The following TSKS variants were observed in gnomAD, a reference collection of about 807,000 sequenced individuals.
The protein encoded by TSKS is testis specific serine kinase substrate, also known as testis-specific serine kinase substrate.
Under a neutral mutation model 68.0 loss-of-function variants are expected in TSKS, and 27 were observed. The observed-to-expected ratio is 0.40, with a 90% confidence interval of 0.29 to 0.55. The LOEUF (loss-of-function observed/expected upper bound fraction) is 0.55. TSKS is among the 20% of genes least tolerant of loss of function. The probability of loss-of-function intolerance (pLI) is 0.53; values close to 1 mark genes in which losing one functional copy is unlikely to be tolerated. For missense variants in TSKS, 806 were observed against 776.0 expected (o/e 1.04, Z -0.46); for synonymous variants, 331 against 340.4 (o/e 0.97, Z 0.30).
At chr19:49,755,677 A>C (rs994012210) in intron 2 of TSKS, among the ~76,000 whole-genome samples, 3 of 152,180 alleles carry the variant, frequency 2.0e-5, no homozygotes, top group African/African-American at 7.2e-5. Context: ...AAAAATAAAA[A>C]TGAAAATAAA....
chr19:49,746,428 G>A, intron 6 of TSKS, 42 bp downstream of exon 6: 1 of 1,606,584 alleles, frequency 6.2e-7, no homozygotes, highest in Non-Finnish European at 8.5e-7. Flanking sequence ...CTGAGTCCCC[G>A]CCGATCTCGT....
chr19:49,754,940 A>G (rs2084381572), intron 2 of TSKS, among the ~76,000 whole-genome samples: 1 of 152,132 alleles, frequency 6.6e-6, no homozygotes, highest in Non-Finnish European at 1.5e-5. Flanking sequence ...TCTACTAAAA[A>G]TACAAAAATT....
At chr19:49,745,498 T>A in intron 6 of TSKS, 102 bp from the exon 7 acceptor site, 1 of 1,019,840 alleles carries the variant, frequency 9.8e-7, no homozygotes, top group Non-Finnish European at 1.4e-6. Context: ...CTCGCCCCAC[T>A]GAGACCATGC....
chr19:49,746,181 C>CAA (rs201717038), intron 6 of TSKS, among the ~76,000 whole-genome samples: 5 of 150,904 alleles, frequency 3.3e-5, no homozygotes, highest in Admixed American at 6.6e-5. Context: ...GACTCCGCCT[C>CAA]AAAAAAAACA....
At position 49,748,381 on chromosome 19, in the gene TSKS, G is replaced by A; in HGVS notation, c.488C>T (p.Ser163Phe). The change falls in exon 3 of 11, where the codon TCT (serine) becomes TTT (phenylalanine). Residue 163 changes from serine (S) to phenylalanine (F), a missense_variant. Coordinates refer to ENST00000246801, the MANE Select transcript of TSKS (RefSeq NM_021733.2). The part of the protein sequence containing the change: ...KTNRVNQHVQ[S>F]LQSECSVLSE... Reference sequence around the variant, plus strand: ...TATAGGGGGTCCTCACACCTGCAGAGACTGCACGTGCTGGTTAACCCGGTT... The same window carrying A: ...TATAGGGGGTCCTCACACCTGCAGAAACTGCACGTGCTGGTTAACCCGGTT... 3 of 1,614,024 alleles carry A rather than the reference G, an allele frequency of 1.9e-6. No homozygotes were observed. The highest frequency in any genetic ancestry group is 2.5e-6 in the Non-Finnish European group (3 of 1,179,860).
chr19:49,740,157 T>A lies in TSKS; in HGVS notation c.1524A>T (p.Lys508Asn). ...AGCTCAGGGCCTCTGCCCTGACGTG[T>A]TTGGCTAAGGCCTGGCGCTCCAGCT... is the stretch of plus-strand genomic sequence containing the variant. Reference protein sequence around the residue: ...ILELERQALAKHVRAEALSST... With the variant: ...ILELERQALANHVRAEALSST... Residue 508 changes from lysine to asparagine, a missense_variant, in exon 10 of 11, where the codon AAA becomes AAT. Physicochemically the swap from Lys to Asn is moderately conservative, Grantham distance 94. Transcript: ENST00000246801. 6.2e-7 allele frequency: 1 copy of A among 1,613,744 alleles called. No homozygotes were observed. The highest frequency in any genetic ancestry group is 8.5e-7 in the Non-Finnish European group (1 of 1,179,946).
chr19:49,762,960 C>T, intron 1 of TSKS, 118 bp downstream of exon 1: 2 of 1,345,260 alleles, frequency 1.5e-6, no homozygotes, highest in Non-Finnish European at 2.0e-6. Context: ...CTCTTTCCTG[C>T]CCCCGACCTG....
chr19:49,752,910 T>A (rs1207554779), intron 2 of TSKS, among the ~76,000 whole-genome samples: 2 of 152,162 alleles, frequency 1.3e-5, no homozygotes, highest in Non-Finnish European at 2.9e-5. Flanking sequence ...AAGGGAAGGC[T>A]AAGGTAGAGT....
intron 6 of TSKS, among the ~76,000 whole-genome samples, chr19:49,745,751 C>A (rs2084293306): frequency 6.6e-6 from 1 of 152,162 alleles, no homozygotes; most frequent in South Asian, 2.1e-4. Context: ...CCCCGCCCAC[C>A]TCAGTTTCAC....
chr19:49,745,190 C>A lies in TSKS; in HGVS notation c.1187+12G>T. 6.4e-7 allele frequency: 1 copy of A among 1,570,238 alleles called. No individual in the cohort carries two copies. Among genetic ancestry groups the A allele is most frequent in the Non-Finnish European group, 8.7e-7 (1 of 1,153,366 alleles). On this transcript the variant is annotated intron_variant, in intron 7 of 10. Coordinates refer to ENST00000246801, the MANE Select transcript of TSKS (RefSeq NM_021733.2). ...CCTTCCGGTCTTCCCATGCACTGGC[C>A]CCAATCCTCACATGGTGCACAGCTC...
At position 49,762,014 on chromosome 19, in the gene TSKS, G is replaced by C. The variant is rs778576898; in HGVS notation, c.389C>G (p.Thr130Arg). ...LPWDPDDADI[T>R]EILSGVNSGL... ...GTGGAGGGCCCTCACCAGGATTTCC[G>C]TGATGTCTGCGTCATCCGGATCCCA... The change falls in exon 2 of 11, where the codon ACG (threonine) becomes AGG (arginine). Residue 130 changes from threonine (T) to arginine (R), a missense_variant. Transcript: ENST00000246801. The C allele has an allele frequency of 3.1e-6, 5 of 1,612,894 alleles. No homozygotes were observed. Among genetic ancestry groups the C allele is most frequent in the Non-Finnish European group, 3.4e-6 (4 of 1,179,208 alleles).
Position 49,747,275 on chromosome 19 carries a change from A to G in TSKS, c.663+114T>C, listed in dbSNP as rs1391950805. Reference sequence around the variant, plus strand: ...GTTCTAAGGATGACTATGTGCACGAAGGTGCAGTGTGGTGGTGGTGTCGGG... The same window carrying G: ...GTTCTAAGGATGACTATGTGCACGAGGGTGCAGTGTGGTGGTGGTGTCGGG... On this transcript the variant is annotated intron_variant, in intron 5 of 10. Transcript: ENST00000246801. The G allele has an allele frequency of 1.9e-6, 3 of 1,595,408 alleles. No homozygotes were observed. The African/African-American group carries it at 4.0e-5, about 21-fold the overall frequency.
intron 8 of TSKS, 87 bp downstream of exon 8, chr19:49,744,144 C>G (rs2084275930): frequency 7.0e-7 from 1 of 1,423,394 alleles, no homozygotes; most frequent in Non-Finnish European, 9.7e-7. Flanking sequence ...GAACAGCGCC[C>G]CACCCTTCAC....
intron 8 of TSKS, among the ~76,000 whole-genome samples, chr19:49,743,014 G>T (rs961835686): frequency 1.3e-5 from 2 of 151,570 alleles, no homozygotes; most frequent in Non-Finnish European, 2.9e-5. Flanking sequence ...CTGAAACCCT[G>T]CCTCTCCTCA....
At chr19:49,741,754 A>G in intron 9 of TSKS, 131 bp downstream of exon 9, 1 of 1,279,084 alleles carries the variant, frequency 7.8e-7, no homozygotes, top group African/African-American at 1.5e-5. Context: ...GTCCTCCCCC[A>G]GTGCCTGCTG....
At chr19:49,748,533 G>T in intron 2 of TSKS, 64 bp from the exon 3 acceptor site, 1 of 1,501,014 alleles carries the variant, frequency 6.7e-7, no homozygotes, top group South Asian at 1.2e-5. Flanking sequence ...AGCCCAGGAA[G>T]AATTCCAGAA....
chr19:49,762,133 C>T lies in TSKS; in HGVS notation c.270G>A (p.Met90Ile). The T allele has an allele frequency of 1.2e-6, 2 of 1,614,138 alleles. No homozygotes were observed. The highest frequency in any genetic ancestry group is 1.7e-6 in the Non-Finnish European group (2 of 1,180,028). Residue 90 changes from methionine to isoleucine, a missense_variant, in exon 2 of 11, where the codon ATG becomes ATA. Coordinates refer to ENST00000246801, the MANE Select transcript of TSKS (RefSeq NM_021733.2). ...TNVSLLNLAA[M>I]EPTDSTGTDS... Reference sequence around the variant, plus strand: ...CTGTCCCCGTGGAGTCAGTGGGCTCCATGGCGGCCAGGTTGAGCAGTGACA... The same window carrying T: ...CTGTCCCCGTGGAGTCAGTGGGCTCTATGGCGGCCAGGTTGAGCAGTGACA...
At chr19:49,743,438 C>T (rs1478467481) in intron 8 of TSKS, among the ~76,000 whole-genome samples, 10 of 150,892 alleles carry the variant, frequency 6.6e-5, no homozygotes, top group Non-Finnish European at 1.2e-4. Context: ...GGCTGGAGTG[C>T]AGTAGCGTGA....
intron 2 of TSKS, among the ~76,000 whole-genome samples, chr19:49,754,019 G>A (rs2084373620): frequency 6.7e-6 from 1 of 149,266 alleles, no homozygotes; most frequent in Non-Finnish European, 1.5e-5. Flanking sequence ...CCAGTAGCTG[G>A]GACTACAGGC....
Sources: gnomAD v4.1 joint callset for allele counts (sites outside exome capture counted in the v4.1 genomes callset) on GRCh38, gnomAD v4.1.1 for gene constraint, MANE v1.5 for transcripts, NCBI Gene and HGNC (gene_info 2026-07-23, HGNC 2026-07-21) for gene names.